PLAC9: variants seen among roughly 807,000 people sequenced by gnomAD.
PLAC9 encodes placenta-specific protein 9.
PLAC9 carries 12 observed loss-of-function variants against 11.5 expected under a neutral mutation model. The ratio of observed to expected loss-of-function variants is 1.05; its 90% confidence interval spans 0.67 to 1.69. The LOEUF is 1.69. Among genes scored for constraint, PLAC9 ranks in the 40% most tolerant of loss-of-function variants. The pLI, the probability that PLAC9 is intolerant of heterozygous loss-of-function variation, is 0.00. For synonymous variants in PLAC9, 62 were observed against 58.1 expected (o/e 1.07, Z -0.31); for missense variants, 132 against 130.5 (o/e 1.01, Z -0.06).
intron 1 of PLAC9, among the ~76,000 whole-genome samples, chr10:80,136,011 G>A (rs1844971340): frequency 6.6e-6 from 1 of 152,186 alleles, no homozygotes; most frequent in Admixed American, 6.5e-5. Flanking sequence ...GAAATCATCT[G>A]TGTTGTGGCC....
At chr10:80,144,138 C>A (rs927473168) in intron 2 of PLAC9, 85 bp from the exon 3 acceptor site, 2 of 1,594,778 alleles carry the variant, frequency 1.3e-6, no homozygotes, top group Non-Finnish European at 1.7e-6. Flanking sequence ...CGCACTGGAC[C>A]GCCAGCTGCT....
intron 1 of PLAC9, among the ~76,000 whole-genome samples, chr10:80,133,967 G>C (rs1260755158): frequency 6.9e-6 from 1 of 144,446 alleles, no homozygotes; most frequent in East Asian, 2.0e-4. Context: ...AAAGAAGAAG[G>C]AAAGGAGGAA....
At chr10:80,138,904 T>C (rs1845008002) in intron 1 of PLAC9, among the ~76,000 whole-genome samples, 1 of 151,802 alleles carries the variant, frequency 6.6e-6, no homozygotes, top group South Asian at 2.1e-4. Context: ...CTTAATATTG[T>C]CACTCTCTGA....
chr10:80,132,372 C>T (rs151094350), upstream of PLAC9, among the ~76,000 whole-genome samples: 1,090 of 152,288 alleles, frequency 7.2e-3, 15 homozygotes, highest in African/African-American at 0.025. Flanking sequence ...CACTTCCCTC[C>T]GAGTCTTAGT....
At chr10:80,144,811 G>A (rs1373434986) in intron 3 of PLAC9, 89 bp from the exon 4 acceptor site, 4 of 1,340,298 alleles carry the variant, frequency 3.0e-6, no homozygotes, top group Admixed American at 2.7e-5. Flanking sequence ...GGGGGCCGGG[G>A]AGGGAAGGGA....
Position 80,145,020 on chromosome 10 carries a change from C to G in PLAC9, c.*110C>G. ...TCCTTAGCTTCATGTGAAATAAAAGCTATTCTGGTCTCCTCTGTGTCTGCT... is the reference window on the plus strand; with the variant it reads ...TCCTTAGCTTCATGTGAAATAAAAGGTATTCTGGTCTCCTCTGTGTCTGCT... On this transcript the variant is annotated 3_prime_UTR_variant, in exon 4 of 4. Transcript: ENST00000372263. 1.5e-6 allele frequency: 2 copies of G among 1,339,728 alleles called. No homozygotes were observed. Among genetic ancestry groups the G allele is most frequent in the African/African-American group, 2.9e-5 (2 of 69,102 alleles). The allele number at this position is 1,339,728 out of a possible 1,614,324, so 83.0% of individuals were successfully genotyped here.
Position 80,142,165 on chromosome 10 carries a change from G to A in PLAC9, c.148G>A (p.Asp50Asn), listed in dbSNP as rs776234363. Residue 50 changes from aspartate to asparagine, a missense_variant, in exon 2 of 4, where the codon GAT becomes AAT. By Grantham distance (23) the Asp-to-Asn change is conservative. Transcript: ENST00000372263. The stretch of plus-strand genomic sequence containing the variant: ...ACACATGGCTGTGCAACGCCGTCTA[G>A]ATGTCATGGAGGAGGTAACAGGGTG... ...DRHMAVQRRL[D>N]VMEEMVEKTV... is the part of the protein sequence containing the mutation. 1 of 1,606,756 alleles carries A rather than the reference G, an allele frequency of 6.2e-7. No homozygotes were observed. The highest frequency in any genetic ancestry group is 1.7e-5 in the Admixed American group (1 of 59,798).
upstream of PLAC9, chr10:80,132,620 G>A (rs750799256): frequency 1.2e-4 from 71 of 597,548 alleles, no homozygotes; most frequent in Non-Finnish European, 1.7e-4. Context: ...TCTGGAGGGG[G>A]CGGGTTCTCT....
chr10:80,140,092 C>T (rs1021012309), intron 1 of PLAC9, among the ~76,000 whole-genome samples: 1 of 152,152 alleles, frequency 6.6e-6, no homozygotes, highest in African/African-American at 2.4e-5. Context: ...CCTCTGTCTT[C>T]CTTCGAGATG....
chr10:80,140,545 C>T (rs1445796823), intron 1 of PLAC9, among the ~76,000 whole-genome samples: 1 of 152,230 alleles, frequency 6.6e-6, no homozygotes, highest in Non-Finnish European at 1.5e-5. Flanking sequence ...CAGCACCCTC[C>T]TTCCTGAGTG....
At position 80,145,260 on chromosome 10, in the gene PLAC9, C is replaced by A; in HGVS notation, c.*350C>A. 2.2e-6 allele frequency: 1 copy of A among 453,894 alleles called. No individual in the cohort carries two copies. The highest frequency in any genetic ancestry group is 2.6e-5 in the South Asian group (1 of 37,866). 28.1% of individuals were successfully genotyped at this position (453,894 alleles called of 1,614,324 possible). A position where few individuals can be genotyped will look rare whatever the true frequency, so the allele number is the denominator to read the frequency against. ...AGGTGAAAAGCAAGGGGATCAGGGT[C>A]TCAGGACCCACCCAGACTGTTTAAT... On this transcript the variant is annotated 3_prime_UTR_variant, in exon 4 of 4. Transcript: ENST00000372263.
chr10:80,134,412 C>A (rs1239809294), intron 1 of PLAC9, among the ~76,000 whole-genome samples: 1 of 151,860 alleles, frequency 6.6e-6, no homozygotes, highest in Non-Finnish European at 1.5e-5. Flanking sequence ...TACAGGCACG[C>A]ACCACCACAC....
rs1845083256 is a variant in PLAC9, at chr10:80,144,819, G to A, written c.284-81G>A. 3 of 1,404,584 alleles carry A rather than the reference G, an allele frequency of 2.1e-6. No individual in the cohort carries two copies. The Admixed American group carries it at 7.8e-5, about 36-fold the overall frequency. 87.0% of individuals were successfully genotyped at this position (1,404,584 alleles called of 1,614,324 possible). A position where few individuals can be genotyped will look rare whatever the true frequency, so the allele number is the denominator to read the frequency against. Reference sequence around the variant, plus strand: ...AGTTCCTGGGGGCCGGGGAGGGAAGGGAAGGAACTGCTGGGCACCACGGGG... The same window carrying A: ...AGTTCCTGGGGGCCGGGGAGGGAAGAGAAGGAACTGCTGGGCACCACGGGG... On this transcript the variant is annotated intron_variant, in intron 3 of 3. Transcript: ENST00000372263.
At chr10:80,136,146 C>T (rs1844972492) in intron 1 of PLAC9, among the ~76,000 whole-genome samples, 1 of 152,200 alleles carries the variant, frequency 6.6e-6, no homozygotes. Flanking sequence ...GGCAGCCAGC[C>T]CAGCCGAGCC....
At chr10:80,134,712 C>T (rs1355300459) in intron 1 of PLAC9, among the ~76,000 whole-genome samples, 1 of 152,112 alleles carries the variant, frequency 6.6e-6, no homozygotes, top group Non-Finnish European at 1.5e-5. Flanking sequence ...GTTCAAATGT[C>T]CTTGATTGAT....
At chr10:80,132,654 C>G, upstream of PLAC9, 1 of 912,104 alleles carries the variant, frequency 1.1e-6, no homozygotes, top group Non-Finnish European at 1.5e-6. Flanking sequence ...CCGGAGCCGC[C>G]CAGGAATTTT....
intron 1 of PLAC9, among the ~76,000 whole-genome samples, chr10:80,140,608 G>A (rs532153903): frequency 3.3e-5 from 5 of 152,156 alleles, no homozygotes; most frequent in African/African-American, 1.2e-4. Flanking sequence ...GCATCTCAGG[G>A]TTACCAACTC....
At chr10:80,144,610 G>C (rs920878394) in intron 3 of PLAC9, among the ~76,000 whole-genome samples, 3 of 151,192 alleles carry the variant, frequency 2.0e-5, no homozygotes, top group African/African-American at 7.3e-5. Flanking sequence ...ACCCCTGCGC[G>C]GAGAAACTGC....
Position 80,144,234 on chromosome 10 carries a change from G to A in PLAC9, c.174G>A (p.Lys58=), listed in dbSNP as rs1263421071. The change falls in exon 3 of 4, where the codon AAG becomes AAA. Residue 58 remains lysine, a synonymous_variant. Coordinates refer to ENST00000372263, the MANE Select transcript of PLAC9 (RefSeq NM_001012973.3). ...ACTTCCCACTCTAGATGGTAGAGAA[G>A]ACCGTGGATCACCTGGGGACAGAGG... The part of the protein sequence containing the change: ...RLDVMEEMVE[K]TVDHLGTEVK... 1.2e-6 allele frequency: 2 copies of A among 1,614,042 alleles called. No homozygotes were observed. The highest frequency in any genetic ancestry group is 2.7e-5 in the African/African-American group (2 of 74,926).
Sources: gnomAD v4.1 joint callset for allele counts (sites outside exome capture counted in the v4.1 genomes callset) on GRCh38, gnomAD v4.1.1 for gene constraint, MANE v1.5 for transcripts, NCBI Gene and HGNC (gene_info 2026-07-23, HGNC 2026-07-21) for gene names.